NSD1: variants seen among roughly 807,000 people sequenced by gnomAD.
NSD1 encodes the protein nuclear receptor binding SET domain protein 1.
NSD1 carries 26 observed loss-of-function variants against 242.7 expected under a neutral mutation model. The ratio of observed to expected loss-of-function variants is 0.11; its 90% CI spans 0.08 to 0.15. The LOEUF (loss-of-function observed/expected upper bound fraction) is 0.15, where lower values mean the gene tolerates loss of function less well. Among genes scored for constraint, NSD1 ranks in the 10% least tolerant of loss-of-function variants. The pLI is 1.00. For missense variants in NSD1, 2,495 were observed against 3,272.8 expected (o/e 0.76, Z 5.80); for synonymous variants, 1,106 against 1,178.1 (o/e 0.94, Z 1.25).
chr5:177,212,917 CT>C (rs1336552150), intron 5 of NSD1, among the ~76,000 whole-genome samples: 1 of 152,158 alleles, frequency 6.6e-6, no homozygotes, highest in African/African-American at 2.4e-5. Context: ...GCGTGAGCCA[CT>C]GCATCTGGCT....
rs116068946 is a variant in NSD1 at position 177,289,181 on chromosome 5, C to T, written c.6258+256C>T. On this transcript the variant is annotated intron_variant, in intron 21 of 22. Transcript: ENST00000439151. ...ATAAGAATAGAAAAATTAGCTGGGC[C>T]GTGGTGGCATGTGCTTGTAGTCCCA... Among the ~76,000 whole-genome samples the T allele has an allele frequency of 9.2e-3, 1,395 of 151,986 alleles. 19 individuals carry two copies. The highest frequency in any genetic ancestry group is 0.032 in the African/African-American group (1,317 of 41,460).
chr5:177,209,789 C>A lies in NSD1; in HGVS notation c.1390C>A (p.Pro464Thr), dbSNP rs1763185042. 1 of 1,614,084 alleles carries A rather than the reference C, an allele frequency of 6.2e-7. No homozygotes were observed. Among genetic ancestry groups the A allele is most frequent in the East Asian group, 2.2e-5 (1 of 44,870 alleles). Residue 464 changes from proline to threonine, a missense_variant, in exon 5 of 23, where the codon CCT (proline) becomes ACT (threonine). Physicochemically the swap from Pro to Thr is conservative, Grantham distance 38. This residue lies in a region of NSD1 where 515 missense variants were observed against 467.0 expected (regional missense o/e 1.10). Coordinates refer to ENST00000439151, the MANE Select transcript of NSD1 (RefSeq NM_022455.5). ...DMPFEDCTND[P>T]ESEHDLLLNG... is the part of the protein sequence containing the mutation. ...GCCATTTGAAGACTGCACAAATGAT[C>A]CTGAGTCAGAACATGACCTGTTGCT...
At position 177,265,459 on chromosome 5, in the gene NSD1, G is replaced by A. The variant is rs1216643684; in HGVS notation, c.5147-2103G>A. ...TGCCCTCCCCATCCCCCCAGCCCAGGCCCCTAAAACCTCCTCTGGGGGAGG... is the reference window on the plus strand; with the variant it reads ...TGCCCTCCCCATCCCCCCAGCCCAGACCCCTAAAACCTCCTCTGGGGGAGG... On this transcript the variant is annotated intron_variant, in intron 14 of 22. Transcript: ENST00000439151. The A allele has an allele frequency of 6.5e-6, 4 of 618,188 alleles. No individual in the cohort carries two copies. In the East Asian group the frequency reaches 8.2e-5, roughly 13 times the overall value. 38.3% of individuals were successfully genotyped at this position (618,188 alleles called of 1,614,324 possible).
chr5:177,248,637 T>G (rs547247897), intron 11 of NSD1, among the ~76,000 whole-genome samples: 206 of 152,356 alleles, frequency 1.4e-3, no homozygotes, highest in African/African-American at 4.7e-3. Flanking sequence ...CTTCTCATGG[T>G]GTCACAATCT....
At chr5:177,133,110 C>T (rs1180463777), upstream of NSD1, 1 of 152,810 alleles carries the variant, frequency 6.5e-6, no homozygotes, top group African/African-American at 2.4e-5. This position sits in a 1 kb window ranked among gnomAD's most constrained non-coding sequence, Gnocchi z 6.2. Context: ...GCGGCCGCGT[C>T]TGCTCGGGGC....
Position 177,299,010 on chromosome 5 carries a change from G to A in NSD1, c.*3551G>A. 4.3e-6 allele frequency: 1 copy of A among 233,194 alleles called. No individual in the cohort carries two copies. 14.4% of individuals were successfully genotyped at this position (233,194 alleles called of 1,614,324 possible). On this transcript the variant is annotated 3_prime_UTR_variant, in exon 23 of 23. Coordinates refer to ENST00000439151, the MANE Select transcript of NSD1 (RefSeq NM_022455.5). ...CCCTTTCTTGCTGAGTTTCATTTGA[G>A]CAGTTCCATGTGTAGACATTCCAAG...
At chr5:177,274,373 C>T (rs1758185298) in intron 17 of NSD1, among the ~76,000 whole-genome samples, 2 of 152,074 alleles carry the variant, frequency 1.3e-5, no homozygotes, top group Admixed American at 6.5e-5. Context: ...AATAAAGAGA[C>T]AGTGGAGAAC....
At chr5:177,208,103 C>T (rs1379807073) in intron 4 of NSD1, among the ~76,000 whole-genome samples, 2 of 152,158 alleles carry the variant, frequency 1.3e-5, no homozygotes, top group Non-Finnish European at 2.9e-5. Flanking sequence ...ACATCCCCTT[C>T]ACAAATATTA....
At chr5:177,219,549 T>G (rs1427671016) in intron 5 of NSD1, among the ~76,000 whole-genome samples, 1 of 152,038 alleles carries the variant, frequency 6.6e-6, no homozygotes. Context: ...TGTTCAAGAG[T>G]TTGTTGTTTA....
Position 177,170,990 on chromosome 5 carries a change from A to G in NSD1, c.928-20894A>G, listed in dbSNP as rs1287844175. Among the ~76,000 whole-genome samples, 3 of 151,434 alleles carry G rather than the reference A, an allele frequency of 2.0e-5. No individual in the cohort carries two copies. In the East Asian group the frequency reaches 5.8e-4, roughly 29 times the overall value. On this transcript the variant is annotated intron_variant, in intron 2 of 22. Coordinates refer to ENST00000439151, the MANE Select transcript of NSD1 (RefSeq NM_022455.5). ...CACATTTTTGTCACTTCAAAATGAA[A>G]CCTTCTTGCTTGATAATTTACCATG...
intron 2 of NSD1, chr5:177,136,740 C>A (rs891904833): frequency 1.9e-6 from 1 of 521,286 alleles, no homozygotes; most frequent in African/African-American, 1.9e-5. Context: ...ATTACTGGTA[C>A]CCATCACCAC....
At chr5:177,193,360 T>C (rs990184428) in intron 3 of NSD1, among the ~76,000 whole-genome samples, 10 of 152,124 alleles carry the variant, frequency 6.6e-5, no homozygotes, top group Admixed American at 3.9e-4. Flanking sequence ...ACCAGGATGG[T>C]CTTGATCTCT....
At chr5:177,204,757 TAGGGAGCAGATGC>T (rs1358177578) in intron 4 of NSD1, among the ~76,000 whole-genome samples, 1 of 152,082 alleles carries the variant, frequency 6.6e-6, no homozygotes, top group East Asian at 1.9e-4. Flanking sequence ...AGAAAAGAGC[TAGGGAGCAGATGC>T]AGGTGGGTTT....
At position 177,269,564 on chromosome 5, in the gene NSD1, CTT is replaced by C; in HGVS notation, c.5304-37_5304-36del. On this transcript the variant is annotated intron_variant, in intron 15 of 22. Coordinates refer to ENST00000439151, the MANE Select transcript of NSD1 (RefSeq NM_022455.5). The surrounding 1 kb of genome is among the most constrained non-coding windows in gnomAD (Gnocchi z 5.1). ...GGTTATTTTCCTAATGCCTTGCAGC[CTT>C]CTAGAGGTTTTCCTTCTCCTTTTCA... 6.3e-7 allele frequency: 1 copy of C among 1,588,622 alleles called. No homozygotes were observed. The highest frequency in any genetic ancestry group is 8.6e-7 in the Non-Finnish European group (1 of 1,157,180).
Position 177,211,170 on chromosome 5 carries a change from A to G in NSD1, c.2771A>G (p.Glu924Gly). The change falls in exon 5 of 23, where the codon GAG (glutamate) becomes GGG (glycine). Residue 924 changes from glutamate (E) to glycine (G), a missense_variant. By Grantham distance (98) the Glu-to-Gly change is moderately conservative. Around this residue, in one of 19 missense-constraint regions of NSD1, gnomAD observed 121 missense variants for 167.2 expected, o/e 0.72. Transcript: ENST00000439151. ...GATATGCATGATAGTAAGACGAAGG[A>G]GCAGCGGTTGATGACTGCTCAAAAC... ...LKDMHDSKTKEQRLMTAQNLV... is the reference protein window; with the variant it reads ...LKDMHDSKTKGQRLMTAQNLV... 6.2e-7 allele frequency: 1 copy of G among 1,614,206 alleles called. No individual in the cohort carries two copies. The highest frequency in any genetic ancestry group is 8.5e-7 in the Non-Finnish European group (1 of 1,180,018).
At chr5:177,290,028 T>A (rs530317508) in intron 21 of NSD1, among the ~76,000 whole-genome samples, 1 of 151,644 alleles carries the variant, frequency 6.6e-6, no homozygotes, top group Non-Finnish European at 1.5e-5. Context: ...AGGGTTTCAC[T>A]GTTGTTAGCC....
chr5:177,166,652 C>T (rs996626062), intron 2 of NSD1, among the ~76,000 whole-genome samples: 1 of 151,068 alleles, frequency 6.6e-6, no homozygotes, highest in African/African-American at 2.4e-5. Context: ...TTTGCCAGAT[C>T]TGAAATTATG....
intron 12 of NSD1, among the ~76,000 whole-genome samples, chr5:177,253,501 G>GGTT (rs1463879649): frequency 6.6e-6 from 1 of 152,048 alleles, no homozygotes; most frequent in African/African-American, 2.4e-5. Context: ...GGATTTACTT[G>GGTT]GTTGTTGATC....
rs763644594 is a variant in NSD1, at chr5:177,248,166, T to C, written c.4498-15T>C. The C allele has an allele frequency of 1.9e-6, 3 of 1,541,594 alleles. No homozygotes were observed. Among genetic ancestry groups the C allele is most frequent in the Non-Finnish European group, 2.7e-6 (3 of 1,117,514 alleles). ...TCAATAATACAGATGTGGGACATTA[T>C]TTTTTCTTTGCAAGGGAGAACTAAT... On this transcript the variant is annotated splice_polypyrimidine_tract_variant and intron_variant, in intron 10 of 22. Transcript: ENST00000439151.
Sources: allele counts gnomAD v4.1 joint callset (sites outside exome capture counted in the v4.1 genomes callset), GRCh38; gene constraint gnomAD v4.1.1; regional missense constraint gnomAD v4.1.1; non-coding constraint Gnocchi (gnomAD v3.1); transcripts MANE v1.5; gene names NCBI Gene and HGNC (gene_info 2026-07-23, HGNC 2026-07-21).